CCDC85C: variants seen among roughly 807,000 people sequenced by gnomAD.
CCDC85C encodes the protein coiled-coil domain-containing protein 85C.
A neutral mutation model predicts 38.3 loss-of-function variants in CCDC85C; 18 were observed. The ratio of observed to expected loss-of-function variants is 0.47; its 90% CI spans 0.33 to 0.70. The LOEUF is 0.70. CCDC85C is among the 30% of genes least tolerant of loss of function. The pLI is 0.03. For missense variants in CCDC85C, 566 were observed against 621.2 expected (o/e 0.91, Z 0.94); for synonymous variants, 264 against 293.8 (o/e 0.90, Z 1.04).
chr14:99,599,721 C>T (rs866878174), intron 1 of CCDC85C, among the ~76,000 whole-genome samples: 6 of 152,086 alleles, frequency 3.9e-5, no homozygotes, highest in South Asian at 4.2e-4. Context: ...GAGATCCAGT[C>T]TCTACAAAAA....
chr14:99,540,213 A>T (rs1897685839), intron 1 of CCDC85C, among the ~76,000 whole-genome samples: 1 of 152,140 alleles, frequency 6.6e-6, no homozygotes, highest in African/African-American at 2.4e-5. Flanking sequence ...CACCCAATGA[A>T]GCAATGGACA....
At position 99,504,190 on chromosome 14, in the gene CCDC85C, T is replaced by G. The variant is rs1896914358; in HGVS notation, c.*11056A>C. 3.1e-5 allele frequency: 7 copies of G among 226,724 alleles called. No individual in the cohort carries two copies. Among genetic ancestry groups the G allele is most frequent in the South Asian group, 2.8e-4 (7 of 25,402 alleles). 14.0% of individuals were successfully genotyped at this position (226,724 alleles called of 1,614,324 possible). On this transcript the variant is annotated 3_prime_UTR_variant, in exon 6 of 6. Transcript: ENST00000380243. Reference sequence around the variant, plus strand: ...AAGGAGTGAGCAAAATTGGAACAATTACAAAACAGAAAGTTAGAAATGTTT... The same window carrying G: ...AAGGAGTGAGCAAAATTGGAACAATGACAAAACAGAAAGTTAGAAATGTTT...
chr14:99,515,233 C>A lies in CCDC85C; in HGVS notation c.*13G>T. On this transcript the variant is annotated 3_prime_UTR_variant, in exon 6 of 6. Transcript: ENST00000380243. The stretch of plus-strand genomic sequence containing the variant: ...CCCCAGCAGGGCCAGTCCACGTCCA[C>A]AGAAGAGTGGCCCTACAAAGGCCCC... The A allele has an allele frequency of 6.5e-7, 1 of 1,547,498 alleles. No individual in the cohort carries two copies.
intron 1 of CCDC85C, among the ~76,000 whole-genome samples, chr14:99,537,370 G>A: frequency 6.6e-6 from 1 of 152,126 alleles, no homozygotes; most frequent in East Asian, 1.9e-4. Flanking sequence ...ACAGGGGCTT[G>A]GGTGCTACTG....
chr14:99,602,757 G>A (rs1442557887), intron 1 of CCDC85C, among the ~76,000 whole-genome samples: 1 of 152,166 alleles, frequency 6.6e-6, no homozygotes, highest in African/African-American at 2.4e-5. Context: ...ACCTGTTGCT[G>A]CAAGAGGGGA....
intron 5 of CCDC85C, among the ~76,000 whole-genome samples, 174 bp from the exon 6 acceptor site, chr14:99,515,509 G>A (rs990793052): frequency 2.6e-5 from 4 of 152,204 alleles, no homozygotes; most frequent in Non-Finnish European, 4.4e-5. Context: ...TTTGCATGCC[G>A]CGCTAACTAT....
At chr14:99,523,401 A>C (rs1897328783) in intron 2 of CCDC85C, among the ~76,000 whole-genome samples, 2 of 152,130 alleles carry the variant, frequency 1.3e-5, no homozygotes, top group Non-Finnish European at 2.9e-5. Flanking sequence ...TCCCAGCCCC[A>C]TCAGAGCCCT....
At chr14:99,574,042 G>A (rs1898416657) in intron 1 of CCDC85C, among the ~76,000 whole-genome samples, 1 of 152,192 alleles carries the variant, frequency 6.6e-6, no homozygotes, top group East Asian at 1.9e-4. Flanking sequence ...GATCTTGATG[G>A]AATGTCCTAA....
intron 3 of CCDC85C, among the ~76,000 whole-genome samples, 167 bp downstream of exon 3, chr14:99,521,966 G>C (rs1897308898): frequency 6.6e-6 from 1 of 152,208 alleles, no homozygotes; most frequent in Admixed American, 6.5e-5. Flanking sequence ...AACCCACCTG[G>C]GGCTCCGCCT....
Position 99,516,343 on chromosome 14 carries a change from G to A in CCDC85C, c.1072-57C>T. ...GAGGCCACCGGCAGACCTCGGGCAAGTCACCTGGCCCCTGATCCTCAGCCT... is the reference window on the plus strand; with the variant it reads ...GAGGCCACCGGCAGACCTCGGGCAAATCACCTGGCCCCTGATCCTCAGCCT... On this transcript the variant is annotated intron_variant, in intron 4 of 5. Coordinates refer to ENST00000380243, the MANE Select transcript of CCDC85C (RefSeq NM_001144995.2). The surrounding 1 kb of genome is among the most constrained non-coding windows in gnomAD (Gnocchi z 5.5). 1.5e-6 allele frequency: 2 copies of A among 1,290,362 alleles called. No individual in the cohort carries two copies. Among genetic ancestry groups the A allele is most frequent in the Non-Finnish European group, 2.2e-6 (2 of 911,910 alleles). The allele number at this position is 1,290,362 out of a possible 1,614,324, so 79.9% of individuals were successfully genotyped here.
Position 99,510,733 on chromosome 14 carries a change from C to A in CCDC85C, c.*4513G>T. The A allele has an allele frequency of 1.4e-6, 2 of 1,444,418 alleles. No homozygotes were observed. The highest frequency in any genetic ancestry group is 9.1e-7 in the Non-Finnish European group (1 of 1,098,674). The allele number at this position is 1,444,418 out of a possible 1,614,324, so 89.5% of individuals were successfully genotyped here. A position where few individuals can be genotyped will look rare whatever the true frequency, so the allele number is the denominator to read the frequency against. ...CCTGTGCCCCCGCCCATTCCCCCACCCGGCATGCCTCCAGTTGGGGGGCTG... is the reference window on the plus strand; with the variant it reads ...CCTGTGCCCCCGCCCATTCCCCCACACGGCATGCCTCCAGTTGGGGGGCTG... On this transcript the variant is annotated 3_prime_UTR_variant, in exon 6 of 6. Coordinates refer to ENST00000380243, the MANE Select transcript of CCDC85C (RefSeq NM_001144995.2).
At chr14:99,559,085 A>G (rs1209677217) in intron 1 of CCDC85C, among the ~76,000 whole-genome samples, 1 of 152,148 alleles carries the variant, frequency 6.6e-6, no homozygotes, top group Non-Finnish European at 1.5e-5. Context: ...CCACCCCAGA[A>G]GCTGAGCAGG....
chr14:99,558,921 CT>C lies in CCDC85C; in HGVS notation c.794-22834del, dbSNP rs1898061606. Reference sequence around the variant, plus strand: ...GTTTCTGATGGTTTAGTGCCACCCCCTATTGCTGTTCTTGTGATACAGTTCC... The same window carrying C: ...GTTTCTGATGGTTTAGTGCCACCCCCATTGCTGTTCTTGTGATACAGTTCC... On this transcript the variant is annotated intron_variant, in intron 1 of 5. Transcript: ENST00000380243. The surrounding 1 kb of genome is among the most constrained non-coding windows in gnomAD (Gnocchi z 4.2). Among the ~76,000 whole-genome samples the C allele has an allele frequency of 6.6e-6, 1 of 152,124 alleles. No individual in the cohort carries two copies. Among genetic ancestry groups the C allele is most frequent in the South Asian group, 2.1e-4 (1 of 4,824 alleles).
Position 99,501,399 on chromosome 14 carries a change from A to G in CCDC85C, c.*13847T>C. ...AAAAGTTGGTTCAAATGGCATGGAC[A>G]TTTGTAAATGACAGGTATACATGTT... is the stretch of plus-strand genomic sequence containing the variant. On this transcript the variant is annotated 3_prime_UTR_variant, in exon 6 of 6. Transcript: ENST00000380243. The G allele has an allele frequency of 6.2e-7, 1 of 1,603,638 alleles. No homozygotes were observed. Among genetic ancestry groups the G allele is most frequent in the Non-Finnish European group, 8.5e-7 (1 of 1,172,090 alleles).
In CCDC85C at chr14:99,515,478, CAG is replaced by C. The variant is rs1897207766; in HGVS notation, c.1171-145_1171-144del. Reference sequence around the variant, plus strand: ...AGGGACACGGAGGCCACTGCAGGCCCAGAGACACCCACACCAGGTCTTTGCAT... The same window carrying C: ...AGGGACACGGAGGCCACTGCAGGCCCAGACACCCACACCAGGTCTTTGCAT... On this transcript the variant is annotated intron_variant, in intron 5 of 5. Coordinates refer to ENST00000380243, the MANE Select transcript of CCDC85C (RefSeq NM_001144995.2). The C allele has an allele frequency of 4.8e-6, 3 of 623,724 alleles. No homozygotes were observed. In the South Asian group the frequency reaches 5.5e-5, roughly 12 times the overall value. The allele number at this position is 623,724 out of a possible 1,614,324, so 38.6% of individuals were successfully genotyped here. A position where few individuals can be genotyped will look rare whatever the true frequency, so the allele number is the denominator to read the frequency against.
chr14:99,524,958 C>T (rs368028877), intron 2 of CCDC85C, among the ~76,000 whole-genome samples: 24 of 152,220 alleles, frequency 1.6e-4, no homozygotes, highest in African/African-American at 4.8e-4. Context: ...CAAGATTTCC[C>T]GAATCCTTAA....
chr14:99,514,259 G>A lies in CCDC85C; in HGVS notation c.*987C>T, dbSNP rs972357108. ...CTAAAGGTCACACCACAAACTAAAG[G>A]CAGAACCTGGCCAGACACGCTCCTT... On this transcript the variant is annotated 3_prime_UTR_variant, in exon 6 of 6. Transcript: ENST00000380243. 6.6e-6 allele frequency: 1 copy of A among 152,420 alleles called. No homozygotes were observed. Among genetic ancestry groups the A allele is most frequent in the East Asian group, 1.9e-4 (1 of 5,194 alleles). The allele number at this position is 152,420 out of a possible 1,614,324, so 9.4% of individuals were successfully genotyped here.
intron 1 of CCDC85C, among the ~76,000 whole-genome samples, chr14:99,546,431 G>A (rs1000622852): frequency 1.3e-5 from 2 of 152,052 alleles, no homozygotes; most frequent in South Asian, 4.1e-4. Flanking sequence ...TGGGAGAGCG[G>A]CTCAGGGAAG....
rs1896824457 is a variant in CCDC85C, at chr14:99,501,506, A to C, written c.*13740T>G. The C allele has an allele frequency of 1.1e-6, 1 of 906,032 alleles. No individual in the cohort carries two copies. The highest frequency in any genetic ancestry group is 1.8e-6 in the Non-Finnish European group (1 of 565,948). The allele number at this position is 906,032 out of a possible 1,614,324, so 56.1% of individuals were successfully genotyped here. Reference sequence around the variant, plus strand: ...ATCTAAACCCCTCATTTTGTGTCAGAAGAAACTGACTTGCCCTGGCTTGAG... The same window carrying C: ...ATCTAAACCCCTCATTTTGTGTCAGCAGAAACTGACTTGCCCTGGCTTGAG... On this transcript the variant is annotated 3_prime_UTR_variant, in exon 6 of 6. Transcript: ENST00000380243.
Sources: allele counts gnomAD v4.1 joint callset (sites outside exome capture counted in the v4.1 genomes callset), GRCh38; gene constraint gnomAD v4.1.1; non-coding constraint Gnocchi (gnomAD v3.1); transcripts MANE v1.5; gene names NCBI Gene and HGNC (gene_info 2026-07-23, HGNC 2026-07-21).